Variants in GALNT13 observed in about 807,000 individuals in gnomAD.
GALNT13 encodes the protein polypeptide N-acetylgalactosaminyltransferase 13.
A neutral mutation model predicts 64.2 loss-of-function variants in GALNT13; 28 were observed. The ratio of observed to expected loss-of-function variants is 0.44; its 90% CI spans 0.32 to 0.60. GALNT13 has a LOEUF of 0.60. GALNT13 is among the 20% of genes least tolerant of loss of function. The probability of loss-of-function intolerance (pLI) is 0.05; values close to 1 mark genes in which losing one functional copy is unlikely to be tolerated. For missense variants in GALNT13, 577 were observed against 669.8 expected (o/e 0.86, Z 1.53); for synonymous variants, 214 against 224.6 (o/e 0.95, Z 0.42).
the GALNT13 span, among the ~76,000 whole-genome samples, chr2:153,260,646 G>A: frequency 6.6e-6 from 1 of 152,080 alleles, no homozygotes; most frequent in Admixed American, 6.6e-5. Context: ...CGACCTTTGG[G>A]AGTTTGATGT....
chr2:153,153,148 A>G, the GALNT13 span, among the ~76,000 whole-genome samples: 2 of 152,140 alleles, frequency 1.3e-5, no homozygotes, highest in Non-Finnish European at 2.9e-5. Context: ...CATTTCTCTA[A>G]TGATCAGTGA....
At chr2:153,717,383 A>G in the GALNT13 span, among the ~76,000 whole-genome samples, 1 of 152,158 alleles carries the variant, frequency 6.6e-6, no homozygotes, top group Admixed American at 6.5e-5. Flanking sequence ...TTTAGTAGAG[A>G]TTTAAGCATC....
At chr2:153,163,747 C>T in the GALNT13 span, among the ~76,000 whole-genome samples, 2 of 152,102 alleles carry the variant, frequency 1.3e-5, no homozygotes, top group Non-Finnish European at 2.9e-5. Flanking sequence ...TGGCCGGACG[C>T]GGAGGCTCAA....
At chr2:153,353,594 AT>A in the GALNT13 span, among the ~76,000 whole-genome samples, 1 of 151,942 alleles carries the variant, frequency 6.6e-6, no homozygotes, top group Admixed American at 6.6e-5. Flanking sequence ...TTTTTTGTAG[AT>A]ATTCCTTTAA....
At chr2:153,566,343 A>C in the GALNT13 span, among the ~76,000 whole-genome samples, 1 of 78,848 alleles carries the variant, frequency 1.3e-5, no homozygotes, top group African/African-American at 5.8e-5. Flanking sequence ...AAATCTTCTA[A>C]TCACGTTTTT....
At chr2:153,331,590 A>G in the GALNT13 span, among the ~76,000 whole-genome samples, 199 of 152,148 alleles carry the variant, frequency 1.3e-3, no homozygotes, top group African/African-American at 4.4e-3. Context: ...CAGGAGAAAG[A>G]TGTAGTCCGG....
chr2:154,254,194 A>G (rs575419143), intron 7 of GALNT13, among the ~76,000 whole-genome samples: 38 of 152,358 alleles, frequency 2.5e-4, no homozygotes, highest in African/African-American at 9.1e-4. Context: ...CCAAGGCACA[A>G]AAATGTAAAG....
chr2:153,998,179 A>T (rs1295510295), intron 3 of GALNT13, among the ~76,000 whole-genome samples: 1 of 152,126 alleles, frequency 6.6e-6, no homozygotes. Flanking sequence ...TTGCTGGGTC[A>T]AATGGTATTT....
the GALNT13 span, among the ~76,000 whole-genome samples, chr2:153,745,246 C>T: frequency 6.6e-6 from 1 of 152,030 alleles, no homozygotes; most frequent in African/African-American, 2.4e-5. Context: ...GAAGCGAGAG[C>T]TGGTTATAAA....
intron 2 of GALNT13, among the ~76,000 whole-genome samples, chr2:153,942,898 A>C (rs752606602): frequency 6.6e-6 from 1 of 152,182 alleles, no homozygotes; most frequent in African/African-American, 2.4e-5. Flanking sequence ...GCTTGTGCTC[A>C]TCAAATTATA....
chr2:153,251,739 C>T, the GALNT13 span, among the ~76,000 whole-genome samples: 1,007 of 151,052 alleles, frequency 6.7e-3, 9 homozygotes, highest in African/African-American at 0.023. Context: ...TTTGTTCTTG[C>T]GATAGTTTAC....
chr2:153,978,467 C>T (rs1694223986), intron 3 of GALNT13, among the ~76,000 whole-genome samples: 1 of 152,046 alleles, frequency 6.6e-6, no homozygotes, highest in Admixed American at 6.6e-5. Context: ...CCTTGAATTC[C>T]CATGTGTTGT....
intron 2 of GALNT13, among the ~76,000 whole-genome samples, chr2:153,929,936 A>G (rs1434976451): frequency 6.6e-6 from 1 of 152,144 alleles, no homozygotes; most frequent in East Asian, 1.9e-4. Flanking sequence ...CGTTTTCCCC[A>G]TTGGCAGAAC....
the GALNT13 span, among the ~76,000 whole-genome samples, chr2:153,313,449 A>G: frequency 6.6e-6 from 1 of 152,288 alleles, no homozygotes. Context: ...ACACAGGAAC[A>G]GAAAACCAGT....
chr2:153,105,122 T>C, the GALNT13 span, among the ~76,000 whole-genome samples: 1 of 145,884 alleles, frequency 6.9e-6, no homozygotes, highest in Admixed American at 7.1e-5. Context: ...TTTCTAAACG[T>C]AGGAATTACT....
At chr2:153,976,447 T>C (rs1382551260) in intron 3 of GALNT13, among the ~76,000 whole-genome samples, 2 of 152,130 alleles carry the variant, frequency 1.3e-5, no homozygotes, top group African/African-American at 4.8e-5. Flanking sequence ...ATTTCAAGCC[T>C]TATAATAAAA....
chr2:154,303,562 T>G (rs1202810545), intron 9 of GALNT13, among the ~76,000 whole-genome samples: 1 of 152,084 alleles, frequency 6.6e-6, no homozygotes, highest in Non-Finnish European at 1.5e-5. Context: ...CTGCTTTTCA[T>G]TAAAAAGGAA....
the GALNT13 span, among the ~76,000 whole-genome samples, chr2:153,127,450 T>G: frequency 9.9e-5 from 15 of 152,146 alleles, no homozygotes; most frequent in Non-Finnish European, 1.2e-4. Context: ...TGTAATTCAT[T>G]TCATCAACAT....
the GALNT13 span, among the ~76,000 whole-genome samples, chr2:153,181,510 T>C: frequency 6.6e-6 from 1 of 151,294 alleles, no homozygotes; most frequent in African/African-American, 2.4e-5. Context: ...TCTGTGTATA[T>C]CTGTTAGATC....
Sources: allele counts gnomAD v4.1 joint callset (sites outside exome capture counted in the v4.1 genomes callset), GRCh38; gene constraint gnomAD v4.1.1; transcripts MANE v1.5; gene names NCBI Gene and HGNC (gene_info 2026-07-23, HGNC 2026-07-21).